Variants in CFAP77 observed in about 807,000 individuals in gnomAD.
CFAP77 encodes the protein cilia and flagella associated protein 77.
Under a neutral mutation model 31.1 loss-of-function variants are expected in CFAP77, and 25 were observed. That is an observed-to-expected ratio of 0.80 (90% CI 0.59 to 1.12). The LOEUF (loss-of-function observed/expected upper bound fraction) is 1.12, where lower values mean the gene tolerates loss of function less well. CFAP77 is among the 50% of genes most tolerant of loss of function. CFAP77 has a pLI of 0.00. For synonymous variants in CFAP77, 151 were observed against 159.9 expected, an observed-to-expected ratio of 0.94 and a Z score of 0.42; for missense variants, 377 against 397.3, an observed-to-expected ratio of 0.95 and a Z score of 0.44.
chr9:132,476,624 G>C (rs904818442), intron 1 of CFAP77, among the ~76,000 whole-genome samples: 8 of 152,134 alleles, frequency 5.3e-5, no homozygotes, highest in African/African-American at 1.9e-4. Context: ...ACTGGATGTA[G>C]GGTGGGCCCT....
chr9:132,426,870 A>G (rs952097287), intron 1 of CFAP77, among the ~76,000 whole-genome samples: 5 of 152,248 alleles, frequency 3.3e-5, no homozygotes, highest in Non-Finnish European at 7.3e-5. Context: ...AGCAGCCTGC[A>G]TTACAGCAGT....
At chr9:132,434,058 G>C (rs1353757548) in intron 1 of CFAP77, among the ~76,000 whole-genome samples, 2 of 151,842 alleles carry the variant, frequency 1.3e-5, no homozygotes, top group African/African-American at 2.4e-5. Context: ...AGGATCGCTT[G>C]AGCCAAGGAG....
intron 3 of CFAP77, among the ~76,000 whole-genome samples, chr9:132,512,423 A>C (rs1223316569): frequency 6.6e-6 from 1 of 152,182 alleles, no homozygotes; most frequent in Non-Finnish European, 1.5e-5. Flanking sequence ...GAGGGTTAGG[A>C]TATGGACACA....
intron 1 of CFAP77, among the ~76,000 whole-genome samples, chr9:132,489,552 A>G (rs1025955044): frequency 4.6e-5 from 7 of 152,228 alleles, no homozygotes; most frequent in African/African-American, 1.7e-4. Flanking sequence ...TAGGCGCTCA[A>G]TAAAGAGGGC....
At position 132,455,777 on chromosome 9, in the gene CFAP77, A is replaced by G. The variant is rs1179561526; in HGVS notation, c.196-42918A>G. On this transcript the variant is annotated intron_variant, in intron 1 of 5. Transcript: ENST00000393216. This position sits in a 1 kb window ranked among gnomAD's most constrained non-coding sequence, Gnocchi z 4.1. ...CAAAACGAACCCCAAATGTCTCTCCACTCAGCTCCCAACAGGATGCAATTG... is the reference window on the plus strand; with the variant it reads ...CAAAACGAACCCCAAATGTCTCTCCGCTCAGCTCCCAACAGGATGCAATTG... Among the ~76,000 whole-genome samples, 4 of 152,054 alleles carry G rather than the reference A, an allele frequency of 2.6e-5. No homozygotes were observed. The highest frequency in any genetic ancestry group is 9.7e-5 in the African/African-American group (4 of 41,388).
In CFAP77 at chr9:132,565,651, C is replaced by T. The variant is rs1829876498; in HGVS notation, c.733-6737C>T. On this transcript the variant is annotated intron_variant, in intron 5 of 5. Coordinates refer to ENST00000393216, the MANE Select transcript of CFAP77 (RefSeq NM_001282957.2). This position sits in a 1 kb window ranked among gnomAD's most constrained non-coding sequence, Gnocchi z 4.1. ...CTTCTTAAAAAAAAAAAGAAGATAG[C>T]TCTTGTCTAAATGTCACAAACAATC... Among the ~76,000 whole-genome samples, 1 of 152,004 alleles carries T rather than the reference C, an allele frequency of 6.6e-6. No homozygotes were observed. The highest frequency in any genetic ancestry group is 2.4e-5 in the African/African-American group (1 of 41,400).
In CFAP77 at chr9:132,526,503, A is replaced by G. The variant is rs1345372508; in HGVS notation, c.525-11098A>G. The stretch of plus-strand genomic sequence containing the variant: ...CGCCTCGGCCTCCCAAAATGCTGGG[A>G]TTACAGGCATGAGCCACAGCGCCCG... On this transcript the variant is annotated intron_variant, in intron 3 of 5. Transcript: ENST00000393216. Among the ~76,000 whole-genome samples the G allele has an allele frequency of 3.3e-5, 5 of 152,022 alleles. No individual in the cohort carries two copies. In the East Asian group the frequency reaches 9.7e-4, roughly 29 times the overall value.
intron 1 of CFAP77, among the ~76,000 whole-genome samples, chr9:132,478,386 C>T (rs1851386869): frequency 6.6e-6 from 1 of 152,140 alleles, no homozygotes; most frequent in African/African-American, 2.4e-5. Context: ...CTGGTTCCCC[C>T]CATTTGTTCT....
intron 1 of CFAP77, among the ~76,000 whole-genome samples, chr9:132,419,383 G>A (rs962171516): frequency 2.6e-5 from 4 of 152,204 alleles, no homozygotes; most frequent in Non-Finnish European, 4.4e-5. Flanking sequence ...ATAGCACAGC[G>A]TCTAAGCTGT....
Position 132,526,673 on chromosome 9 carries a change from T to C in CFAP77, c.525-10928T>C, listed in dbSNP as rs1291206056. 1.3e-3 allele frequency among the ~76,000 whole-genome samples: 176 copies of C among 130,762 alleles called. 2 individuals carry two copies. The highest frequency in any genetic ancestry group is 4.8e-3 in the African/African-American group (171 of 35,854). 85.8% of individuals were successfully genotyped at this position (130,762 alleles called of 152,430 possible). ...ACAATAAAAAATGATAAAGGGGATA[T>C]CACCACCGATCCCACAGAAATACAA... On this transcript the variant is annotated intron_variant, in intron 3 of 5. Transcript: ENST00000393216.
chr9:132,547,904 TG>T (rs1419608486), intron 5 of CFAP77, among the ~76,000 whole-genome samples: 3 of 152,086 alleles, frequency 2.0e-5, no homozygotes, highest in South Asian at 2.1e-4. Context: ...CAGCCCTCCC[TG>T]GGGCCCTGGC....
At chr9:132,567,568 C>T (rs533491510) in intron 5 of CFAP77, among the ~76,000 whole-genome samples, 2 of 152,290 alleles carry the variant, frequency 1.3e-5, no homozygotes, top group East Asian at 1.9e-4. Flanking sequence ...CACCCACCAT[C>T]GCTGCATGCT....
Position 132,419,687 on chromosome 9 carries a change from T to C in CFAP77, c.195+9221T>C, listed in dbSNP as rs1850176006. On this transcript the variant is annotated intron_variant, in intron 1 of 5. Transcript: ENST00000393216. ...TTTAAGAGCCAAGATATTGGCTTTT[T>C]TTTTCCTTTTTATGCATTTAAGACT... 2.0e-5 allele frequency among the ~76,000 whole-genome samples: 3 copies of C among 152,184 alleles called. No individual in the cohort carries two copies. In the East Asian group the frequency reaches 5.8e-4, roughly 29 times the overall value.
intron 3 of CFAP77, among the ~76,000 whole-genome samples, chr9:132,520,672 A>G (rs1167631060): frequency 1.3e-5 from 2 of 152,196 alleles, no homozygotes; most frequent in Non-Finnish European, 2.9e-5. Context: ...CATATCCCAG[A>G]AGTCTCTCAT....
intron 1 of CFAP77, among the ~76,000 whole-genome samples, chr9:132,465,448 G>T (rs1851137880): frequency 6.6e-6 from 1 of 152,176 alleles, no homozygotes; most frequent in South Asian, 2.1e-4. Flanking sequence ...CCAGGAAAAG[G>T]CACAAGTTAG....
intron 5 of CFAP77, among the ~76,000 whole-genome samples, chr9:132,546,129 C>T (rs1181615220): frequency 6.6e-6 from 1 of 152,200 alleles, no homozygotes; most frequent in Non-Finnish European, 1.5e-5. Flanking sequence ...AAAGACTGAA[C>T]CGCCAGTACA....
At chr9:132,446,429 G>T (rs147446357) in intron 1 of CFAP77, among the ~76,000 whole-genome samples, 1 of 151,900 alleles carries the variant, frequency 6.6e-6, no homozygotes, top group South Asian at 2.1e-4. Context: ...CCTAACTACC[G>T]ACGGTGCCTG....
intron 1 of CFAP77, among the ~76,000 whole-genome samples, chr9:132,418,802 G>C (rs1298435487): frequency 6.6e-6 from 1 of 152,208 alleles, no homozygotes; most frequent in Non-Finnish European, 1.5e-5. Flanking sequence ...TTTCCCTGGT[G>C]CACCAACTTC....
chr9:132,499,671 C>T lies in CFAP77; in HGVS notation c.524+71C>T, dbSNP rs372852065. Reference sequence around the variant, plus strand: ...GTACCAGCTCAATCAGGGACAAGGTCGGAGGGTGACAGGGAAGTGGAGCAT... The same window carrying T: ...GTACCAGCTCAATCAGGGACAAGGTTGGAGGGTGACAGGGAAGTGGAGCAT... On this transcript the variant is annotated intron_variant, in intron 3 of 5. Coordinates refer to ENST00000393216, the MANE Select transcript of CFAP77 (RefSeq NM_001282957.2). The surrounding 1 kb of genome is among the most constrained non-coding windows in gnomAD (Gnocchi z 5.4). 18 of 1,405,352 alleles carry T rather than the reference C, an allele frequency of 1.3e-5. No homozygotes were observed. Among genetic ancestry groups the T allele is most frequent in the East Asian group, 4.6e-5 (2 of 43,454 alleles). The allele number at this position is 1,405,352 out of a possible 1,614,324, so 87.1% of individuals were successfully genotyped here.
Sources: gnomAD v4.1 joint callset for allele counts (sites outside exome capture counted in the v4.1 genomes callset) on GRCh38, gnomAD v4.1.1 for gene constraint, Gnocchi (gnomAD v3.1) non-coding constraint, MANE v1.5 for transcripts, NCBI Gene and HGNC (gene_info 2026-07-23, HGNC 2026-07-21) for gene names.